The following SH3RF1 variants were observed in gnomAD, a reference collection of about 807,000 sequenced individuals.
SH3RF1 encodes SH3 domain containing ring finger 1, also known as E3 ubiquitin-protein ligase SH3RF1.
Under a neutral mutation model 74.0 loss-of-function variants are expected in SH3RF1, and 32 were observed. The observed-to-expected ratio is 0.43, with a 90% confidence interval of 0.33 to 0.58. The LOEUF (loss-of-function observed/expected upper bound fraction) is 0.58, where lower values mean the gene tolerates loss of function less well. Ranked by LOEUF, SH3RF1 falls within the 20% of genes least tolerant of loss-of-function variation. The pLI is 0.05. For synonymous variants in SH3RF1, 396 were observed against 439.6 expected, an observed-to-expected ratio of 0.90 and a Z score of 1.24; for missense variants, 954 against 1,130.9, an observed-to-expected ratio of 0.84 and a Z score of 2.24.
chr4:169,225,048 A>C (rs999318633), intron 2 of SH3RF1, among the ~76,000 whole-genome samples: 7 of 152,202 alleles, frequency 4.6e-5, no homozygotes, highest in Non-Finnish European at 8.8e-5. Flanking sequence ...GAGAGAGACC[A>C]ATTACCACAT....
In SH3RF1 at chr4:169,212,057, C is replaced by CTTTTTTTTTT. The variant is rs34108534; in HGVS notation, c.394-55388_394-55379dup. 7.2e-3 allele frequency among the ~76,000 whole-genome samples: 346 copies of CTTTTTTTTTT among 48,146 alleles called. 1 individual carries two copies. Among genetic ancestry groups the CTTTTTTTTTT allele is most frequent in the East Asian group, 0.016 (24 of 1,546 alleles). The allele number at this position is 48,146 out of a possible 152,430, so 31.6% of individuals were successfully genotyped here. ...TTCTAATTTTTTTTTCTTTTCTTTT[C>CTTTTTTTTTT]TTTTTTTTTTTTTTTTTTTTTTTTG... is the stretch of plus-strand genomic sequence containing the variant. On this transcript the variant is annotated intron_variant, in intron 2 of 11. Coordinates refer to ENST00000284637, the MANE Select transcript of SH3RF1 (RefSeq NM_020870.4).
intron 2 of SH3RF1, among the ~76,000 whole-genome samples, chr4:169,236,899 A>G (rs1730831346): frequency 6.6e-6 from 1 of 152,258 alleles, no homozygotes; most frequent in South Asian, 2.1e-4. Flanking sequence ...ATCTGTTACA[A>G]AATGGCATGG....
chr4:169,095,136 G>A lies in SH3RF1; in HGVS notation c.*1383C>T, dbSNP rs774419634. 1.3e-5 allele frequency: 2 copies of A among 152,564 alleles called. No individual in the cohort carries two copies. Among genetic ancestry groups the A allele is most frequent in the Non-Finnish European group, 2.9e-5 (2 of 68,036 alleles). The allele number at this position is 152,564 out of a possible 1,614,324, so 9.5% of individuals were successfully genotyped here. ...GGATCCTGCCACAATTGTAAGGTGT[G>A]GGCAAATTCACTCCCACCAAGCCTT... is the stretch of plus-strand genomic sequence containing the variant. On this transcript the variant is annotated 3_prime_UTR_variant, in exon 12 of 12. Transcript: ENST00000284637.
intron 2 of SH3RF1, among the ~76,000 whole-genome samples, chr4:169,163,706 T>C (rs1734188771): frequency 6.6e-6 from 1 of 152,162 alleles, no homozygotes. Context: ...CACCTCATAT[T>C]TTCCACCCTC....
intron 4 of SH3RF1, among the ~76,000 whole-genome samples, chr4:169,140,045 C>A (rs570266835): frequency 8.6e-4 from 131 of 152,328 alleles, no homozygotes; most frequent in Non-Finnish European, 1.7e-3. Context: ...TAGCAAGATG[C>A]TGTCATACTT....
intron 2 of SH3RF1, among the ~76,000 whole-genome samples, chr4:169,223,364 A>G (rs888585406): frequency 2.0e-5 from 3 of 152,346 alleles, no homozygotes; most frequent in Non-Finnish European, 4.4e-5. Flanking sequence ...GCAAGATCAG[A>G]GAAGGCAATG....
At chr4:169,245,459 C>T (rs907192397) in intron 2 of SH3RF1, among the ~76,000 whole-genome samples, 2 of 152,166 alleles carry the variant, frequency 1.3e-5, no homozygotes, top group Non-Finnish European at 2.9e-5. Flanking sequence ...ATATAGTCCA[C>T]TAAAATCTAC....
At chr4:169,124,159 A>T (rs1733487252) in intron 6 of SH3RF1, among the ~76,000 whole-genome samples, 1 of 152,222 alleles carries the variant, frequency 6.6e-6, no homozygotes, top group Non-Finnish European at 1.5e-5. Flanking sequence ...CACTTCACTG[A>T]TTTCCATTTA....
At chr4:169,255,871 G>A (rs1018074139) in intron 2 of SH3RF1, among the ~76,000 whole-genome samples, 31 of 151,558 alleles carry the variant, frequency 2.0e-4, no homozygotes, top group African/African-American at 6.8e-4. Flanking sequence ...GGATTCAAGC[G>A]TTCCTCCCCC....
chr4:169,108,971 A>G (rs1192284588), intron 10 of SH3RF1, among the ~76,000 whole-genome samples: 4 of 152,258 alleles, frequency 2.6e-5, no homozygotes, highest in African/African-American at 4.8e-5. Context: ...TCCAGAGGCA[A>G]TAAAGCCTTT....
At chr4:169,108,475 G>A (rs1733184075) in intron 10 of SH3RF1, among the ~76,000 whole-genome samples, 1 of 152,150 alleles carries the variant, frequency 6.6e-6, no homozygotes, top group South Asian at 2.1e-4. Flanking sequence ...GTGCACCATA[G>A]TCCCCAGTTA....
Position 169,100,492 on chromosome 4 carries a change from C to G in SH3RF1, c.2499-3805G>C, listed in dbSNP as rs536006053. 1.2e-4 allele frequency among the ~76,000 whole-genome samples: 18 copies of G among 152,220 alleles called. No homozygotes were observed. The South Asian group carries it at 3.7e-3, about 31-fold the overall frequency. ...GAGTAGCTGGGATTACAGGTGTGTG[C>G]CATCATGCCCGACTAATTTTTGTAT... On this transcript the variant is annotated intron_variant, in intron 11 of 11. Coordinates refer to ENST00000284637, the MANE Select transcript of SH3RF1 (RefSeq NM_020870.4).
chr4:169,178,067 C>G (rs775714117), intron 2 of SH3RF1, among the ~76,000 whole-genome samples: 4 of 151,518 alleles, frequency 2.6e-5, no homozygotes, highest in African/African-American at 2.4e-5. Flanking sequence ...ATGGTGAAAC[C>G]CTGTCTCTAC....
At position 169,096,675 on chromosome 4, in the gene SH3RF1, C is replaced by T. The variant is rs760894415; in HGVS notation, c.2511G>A (p.Val837=). 6.8e-6 allele frequency: 11 copies of T among 1,612,002 alleles called. No individual in the cohort carries two copies. Among genetic ancestry groups the T allele is most frequent in the Non-Finnish European group, 7.6e-6 (9 of 1,179,438 alleles). Residue 837 remains valine, a synonymous_variant, in exon 12 of 12, where the codon GTG becomes GTA. Coordinates refer to ENST00000284637, the MANE Select transcript of SH3RF1 (RefSeq NM_020870.4). ...CCTCACTCTGAGGAGGATAGGAAAC[C>T]ACCACCCTGTGCCTAGAAAAGAAAG... ...RPVVCERHRV[V]VSYPPQSEAE... is the part of the protein sequence containing the mutation.
At position 169,156,559 on chromosome 4, in the gene SH3RF1, A is replaced by G. The variant is rs1734058896; in HGVS notation, c.514T>C (p.Tyr172His). The G allele has an allele frequency of 1.2e-6, 2 of 1,614,028 alleles. No individual in the cohort carries two copies. The highest frequency in any genetic ancestry group is 1.1e-5 in the South Asian group (1 of 91,088). The change falls in exon 3 of 12, where the codon TAC (tyrosine) becomes CAC (histidine). Residue 172 changes from tyrosine to histidine, a missense_variant. This residue lies in a region of SH3RF1 where 854 missense variants were observed against 962.5 expected (regional missense o/e 0.89). Coordinates refer to ENST00000284637, the MANE Select transcript of SH3RF1 (RefSeq NM_020870.4). ...ILRRQVDENW[Y>H]HGEVNGIHGF... ...TGGATTCCATTGACTTCCCCATGGTACCAATTTTCATCCACTTGTCTTCGC... is the reference window on the plus strand; with the variant it reads ...TGGATTCCATTGACTTCCCCATGGTGCCAATTTTCATCCACTTGTCTTCGC...
chr4:169,131,929 C>T (rs1733627230), intron 5 of SH3RF1, among the ~76,000 whole-genome samples: 1 of 152,226 alleles, frequency 6.6e-6, no homozygotes, highest in Non-Finnish European at 1.5e-5. Flanking sequence ...TGGGCCAGCA[C>T]TTCATTTACA....
intron 11 of SH3RF1, among the ~76,000 whole-genome samples, chr4:169,102,985 G>A (rs915901064): frequency 6.6e-5 from 9 of 136,388 alleles, no homozygotes; most frequent in Non-Finnish European, 9.1e-5. Flanking sequence ...GCAGTGATGC[G>A]ACTGTGGCTC....
intron 2 of SH3RF1, among the ~76,000 whole-genome samples, chr4:169,166,073 T>C (rs1329859879): frequency 1.3e-5 from 2 of 151,892 alleles, no homozygotes. Context: ...AAATTAACCA[T>C]AAGTTGACAA....
intron 8 of SH3RF1, among the ~76,000 whole-genome samples, chr4:169,118,136 TC>T (rs1407546594): frequency 6.6e-6 from 1 of 152,152 alleles, no homozygotes; most frequent in Admixed American, 6.6e-5. Context: ...CCTGACAATA[TC>T]CCCATTTCCA....
Sources: allele counts gnomAD v4.1 joint callset (sites outside exome capture counted in the v4.1 genomes callset), GRCh38; gene constraint gnomAD v4.1.1; regional missense constraint gnomAD v4.1.1; transcripts MANE v1.5; gene names NCBI Gene and HGNC (gene_info 2026-07-23, HGNC 2026-07-21).